The following OXNAD1 variants were observed in gnomAD, a reference collection of about 807,000 sequenced individuals.
The protein encoded by OXNAD1 is oxidoreductase NAD-binding domain-containing protein 1.
Under a neutral mutation model 32.9 loss-of-function variants are expected in OXNAD1, and 34 were observed. That is an observed-to-expected ratio of 1.03 (90% CI 0.79 to 1.38). The LOEUF is 1.38. Ranked by LOEUF, OXNAD1 falls within the 40% of genes most tolerant of loss-of-function variation. OXNAD1 has a pLI of 0.00. For synonymous variants in OXNAD1, 134 were observed against 135.2 expected (o/e 0.99, Z 0.06); for missense variants, 407 against 379.4 (o/e 1.07, Z -0.60).
chr3:16,311,149 AAAAG>A (rs1187608760), intron 9 of OXNAD1, among the ~76,000 whole-genome samples: 2 of 151,264 alleles, frequency 1.3e-5, no homozygotes, highest in South Asian at 2.1e-4. Flanking sequence ...CTCCCTCCCA[AAAAG>A]AAAGATGTAG....
In OXNAD1 at chr3:16,345,786, C is replaced by CTG. The variant is rs1553726059; in HGVS notation, c.*31-3389_*31-3388insGT. ...CATGAGCCAAAACCTTATAATAAAT[C>CTG]TCTGTGTGTGTGTGTGTGTGTGTGT... is the stretch of plus-strand genomic sequence containing the variant. On this transcript the variant is annotated intron_variant, in intron 9 of 9. Transcript: ENST00000606098. This position sits in a 1 kb window ranked among gnomAD's most constrained non-coding sequence, Gnocchi z 5.2. Among the ~76,000 whole-genome samples, 20 of 81,642 alleles carry CTG rather than the reference C, an allele frequency of 2.4e-4. No homozygotes were observed. Among genetic ancestry groups the CTG allele is most frequent in the Admixed American group, 9.1e-4 (7 of 7,726 alleles). 53.6% of individuals were successfully genotyped at this position (81,642 alleles called of 152,430 possible).
At chr3:16,267,533 C>G (rs1276187311) in intron 1 of OXNAD1, among the ~76,000 whole-genome samples, 2 of 152,164 alleles carry the variant, frequency 1.3e-5, no homozygotes, top group East Asian at 3.9e-4. Flanking sequence ...GACCTTTGCT[C>G]TTGCTAGTCC....
intron 9 of OXNAD1, among the ~76,000 whole-genome samples, chr3:16,330,296 A>G (rs1215911895): frequency 1.3e-5 from 2 of 152,220 alleles, no homozygotes; most frequent in Non-Finnish European, 2.9e-5. Context: ...TGGCTTAATT[A>G]ATGTTAAATG....
In OXNAD1 at chr3:16,271,602, AT is replaced by A; in HGVS notation, c.120-53del. 2.2e-6 allele frequency: 3 copies of A among 1,362,680 alleles called. No individual in the cohort carries two copies. The highest frequency in any genetic ancestry group is 2.6e-5 in the East Asian group (1 of 39,168). The allele number at this position is 1,362,680 out of a possible 1,614,324, so 84.4% of individuals were successfully genotyped here. A position where few individuals can be genotyped will look rare whatever the true frequency, so the allele number is the denominator to read the frequency against. On this transcript the variant is annotated intron_variant, in intron 3 of 8. Coordinates refer to ENST00000285083, the MANE Select transcript of OXNAD1 (RefSeq NM_138381.5). This position sits in a 1 kb window ranked among gnomAD's most constrained non-coding sequence, Gnocchi z 4.6. ...AACCATGATATTTCAGGAAAAACTAATTTTATTATTTTTATGAGGATAATAT... is the reference window on the plus strand; with the variant it reads ...AACCATGATATTTCAGGAAAAACTAATTTATTATTTTTATGAGGATAATAT...
chr3:16,316,693 G>A lies in OXNAD1; in HGVS notation c.*30+13101G>A. The A allele has an allele frequency of 1.0e-6, 1 of 999,782 alleles. No individual in the cohort carries two copies. The highest frequency in any genetic ancestry group is 2.2e-5 in the Admixed American group (1 of 45,984). The allele number at this position is 999,782 out of a possible 1,614,324, so 61.9% of individuals were successfully genotyped here. A position where few individuals can be genotyped will look rare whatever the true frequency, so the allele number is the denominator to read the frequency against. On this transcript the variant is annotated intron_variant, in intron 9 of 9. Coordinates refer to the OXNAD1 transcript ENST00000435829. The surrounding 1 kb of genome is among the most constrained non-coding windows in gnomAD (Gnocchi z 4.5). ...CCTGGCCCTGGGAGGGCTCAGGTGAGCTCACAAGGAGAGGTCAAGCCAAGC... is the reference window on the plus strand; with the variant it reads ...CCTGGCCCTGGGAGGGCTCAGGTGAACTCACAAGGAGAGGTCAAGCCAAGC...
Position 16,303,504 on chromosome 3 carries a change from A to C in OXNAD1, c.881A>C (p.Lys294Thr). The C allele has an allele frequency of 6.2e-7, 1 of 1,614,070 alleles. No homozygotes were observed. The highest frequency in any genetic ancestry group is 8.5e-7 in the Non-Finnish European group (1 of 1,179,966). Residue 294 changes from lysine (K) to threonine (T), a missense_variant, in exon 9 of 9, where the codon AAG (lysine) becomes ACG (threonine). Physicochemically the swap from Lys to Thr is moderately conservative, Grantham distance 78. Transcript: ENST00000285083. This position sits in a 1 kb window ranked among gnomAD's most constrained non-coding sequence, Gnocchi z 4.8. ...CCTCCAATGACAGACTTTTTCTCCA[A>C]GCAACTGGAAAACAACCATGTACCC... ...GPPPMTDFFS[K>T]QLENNHVPKE... is the part of the protein sequence containing the mutation.
At position 16,284,176 on chromosome 3, in the gene OXNAD1, CTGAGATG is replaced by C. The variant is rs1420931527; in HGVS notation, c.184-2164_184-2158del. On this transcript the variant is annotated intron_variant, in intron 4 of 8. Transcript: ENST00000285083. The surrounding 1 kb of genome is among the most constrained non-coding windows in gnomAD (Gnocchi z 4.1). The stretch of plus-strand genomic sequence containing the variant: ...TTCTTGTTGTCCATGTGAGCAGTCT[CTGAGATG>C]TTCAGTGCTCAGTCTTTAAGGCCCT... 4.6e-5 allele frequency among the ~76,000 whole-genome samples: 7 copies of C among 152,196 alleles called. No individual in the cohort carries two copies. The highest frequency in any genetic ancestry group is 1.7e-4 in the African/African-American group (7 of 41,440).
rs1345014339 is a variant in OXNAD1 at position 16,320,772 on chromosome 3, A to G, written c.*31-16340A>G. Among the ~76,000 whole-genome samples the G allele has an allele frequency of 2.0e-5, 3 of 152,160 alleles. No homozygotes were observed. The highest frequency in any genetic ancestry group is 4.4e-5 in the Non-Finnish European group (3 of 68,024). ...ACAGAGGAGCTGGAGGCCACAGAGAATGGGAGGCTGGCAGAGGAGGTAAGA... is the reference window on the plus strand; with the variant it reads ...ACAGAGGAGCTGGAGGCCACAGAGAGTGGGAGGCTGGCAGAGGAGGTAAGA... On this transcript the variant is annotated intron_variant, in intron 9 of 9. Transcript: ENST00000435829. This position sits in a 1 kb window ranked among gnomAD's most constrained non-coding sequence, Gnocchi z 4.5.
At chr3:16,275,631 C>A in intron 4 of OXNAD1, 1 of 171,832 alleles carries the variant, frequency 5.8e-6, no homozygotes, top group Admixed American at 5.8e-5. Flanking sequence ...AAGGAGTCTT[C>A]AATGTCTATG....
In OXNAD1 at chr3:16,303,449, A is replaced by G. The variant is rs2067326407; in HGVS notation, c.826A>G (p.Lys276Glu). The change falls in exon 9 of 9, where the codon AAA becomes GAA. Residue 276 changes from lysine (K) to glutamate (E), a missense_variant. Lys to Glu is a moderately conservative substitution (Grantham distance 56, BLOSUM62 1). Transcript: ENST00000285083. The surrounding 1 kb of genome is among the most constrained non-coding windows in gnomAD (Gnocchi z 4.8). ...GAAGGAGATAAGAGATCATATTTCA[A>G]AAGAGACTTTGTTCTATATTTGTGG... ...TEKEIRDHIS[K>E]ETLFYICGPP... is the part of the protein sequence containing the mutation. The G allele has an allele frequency of 2.5e-6, 4 of 1,614,004 alleles. No individual in the cohort carries two copies. The Middle Eastern group carries it at 6.6e-4, about 267-fold the overall frequency.
rs1053280962 is a variant in OXNAD1 at position 16,287,093 on chromosome 3, T to A, written c.290+645T>A. On this transcript the variant is annotated intron_variant, in intron 5 of 8. Coordinates refer to ENST00000285083, the MANE Select transcript of OXNAD1 (RefSeq NM_138381.5). The surrounding 1 kb of genome is among the most constrained non-coding windows in gnomAD (Gnocchi z 4.8). ...TGATCAGCATGCTGACTGGGTAACA[T>A]TTCCTCCGAATGGGGCCTCCCTGAG... 5.3e-5 allele frequency among the ~76,000 whole-genome samples: 8 copies of A among 152,186 alleles called. No individual in the cohort carries two copies. Among genetic ancestry groups the A allele is most frequent in the Non-Finnish European group, 1.0e-4 (7 of 68,030 alleles).
At chr3:16,283,401 C>T (rs937881985) in intron 4 of OXNAD1, among the ~76,000 whole-genome samples, 1 of 152,148 alleles carries the variant, frequency 6.6e-6, no homozygotes. Flanking sequence ...CAATTCCTAG[C>T]TAGGTGATCT....
chr3:16,338,087 A>G (rs527393531), downstream of OXNAD1, among the ~76,000 whole-genome samples: 3 of 152,252 alleles, frequency 2.0e-5, no homozygotes, highest in South Asian at 2.1e-4. This position sits in a 1 kb window ranked among gnomAD's most constrained non-coding sequence, Gnocchi z 5.3. Flanking sequence ...CATGTGCAAG[A>G]TAACATTCTC....
intron 9 of OXNAD1, among the ~76,000 whole-genome samples, chr3:16,347,242 C>A (rs919837153): frequency 2.0e-5 from 3 of 152,208 alleles, no homozygotes; most frequent in Non-Finnish European, 4.4e-5. Context: ...AACATACTGT[C>A]AAGGACACCC....
rs1575233677 is a variant in OXNAD1, at chr3:16,320,348, C to T, written c.*30+16756C>T. ...CTGATTAAAAGAAGACTAAATATGC[C>T]ACATCCTCGGTGTGCCAATCTTGCA... On this transcript the variant is annotated intron_variant, in intron 9 of 9. Coordinates refer to the OXNAD1 transcript ENST00000435829. This position sits in a 1 kb window ranked among gnomAD's most constrained non-coding sequence, Gnocchi z 4.5. 6.6e-6 allele frequency among the ~76,000 whole-genome samples: 1 copy of T among 152,174 alleles called. No homozygotes were observed. Among genetic ancestry groups the T allele is most frequent in the East Asian group, 1.9e-4 (1 of 5,202 alleles).
intron 9 of OXNAD1, among the ~76,000 whole-genome samples, chr3:16,330,657 T>C (rs975766273): frequency 1.2e-4 from 18 of 152,240 alleles, no homozygotes; most frequent in African/African-American, 4.3e-4. Flanking sequence ...AAATGGAGCA[T>C]GTCCTGTGGT....
chr3:16,265,879 T>C lies in OXNAD1; in HGVS notation c.-159+374T>C, dbSNP rs1392344063. 2 of 985,220 alleles carry C rather than the reference T, an allele frequency of 2.0e-6. No individual in the cohort carries two copies. The highest frequency in any genetic ancestry group is 3.5e-5 in the African/African-American group (2 of 57,226). The allele number at this position is 985,220 out of a possible 1,614,324, so 61.0% of individuals were successfully genotyped here. On this transcript the variant is annotated intron_variant, in intron 1 of 8. Transcript: ENST00000285083. This position sits in a 1 kb window ranked among gnomAD's most constrained non-coding sequence, Gnocchi z 4.8. ...ACTTATGTGAGTACCAGTTTTTTCG[T>C]TGTGAAAGAAATGGTGTCAGTAGGC... is the stretch of plus-strand genomic sequence containing the variant.
intron 9 of OXNAD1, among the ~76,000 whole-genome samples, chr3:16,333,998 T>C (rs1045053883): frequency 1.3e-5 from 2 of 152,066 alleles, no homozygotes; most frequent in Non-Finnish European, 2.9e-5. Flanking sequence ...ACCCCGTCTC[T>C]ACTAAAAATT....
chr3:16,307,182 ATTAT>A (rs1473623473), downstream of OXNAD1, among the ~76,000 whole-genome samples: 2 of 152,146 alleles, frequency 1.3e-5, no homozygotes, highest in Non-Finnish European at 2.9e-5. Flanking sequence ...GACCAGTGAG[ATTAT>A]TTAAAGTATC....
Sources: gnomAD v4.1 joint callset for allele counts (sites outside exome capture counted in the v4.1 genomes callset) on GRCh38, gnomAD v4.1.1 for gene constraint, Gnocchi (gnomAD v3.1) non-coding constraint, MANE v1.5 for transcripts, NCBI Gene and HGNC (gene_info 2026-07-23, HGNC 2026-07-21) for gene names.